ETV6: variants seen among roughly 807,000 people sequenced by gnomAD.
The protein encoded by ETV6 is transcription factor ETV6.
Under a neutral mutation model 51.1 loss-of-function variants are expected in ETV6, and 16 were observed. That is an observed-to-expected ratio of 0.31 (90% CI 0.21 to 0.48). The LOEUF (loss-of-function observed/expected upper bound fraction) is 0.48. Among genes scored for constraint, ETV6 ranks in the 20% least tolerant of loss-of-function variants. The probability of loss-of-function intolerance (pLI) is 0.99; values close to 1 mark genes in which losing one functional copy is unlikely to be tolerated. For missense variants in ETV6, 458 were observed against 594.8 expected, an observed-to-expected ratio of 0.77 and a Z score of 2.39; for synonymous variants, 240 against 224.1, an observed-to-expected ratio of 1.07 and a Z score of -0.64.
intron 1 of ETV6, among the ~76,000 whole-genome samples, chr12:11,748,033 G>C (rs1038703250): frequency 6.6e-5 from 10 of 152,292 alleles, no homozygotes; most frequent in African/African-American, 2.4e-4. Context: ...ACACCTGCAG[G>C]GTGGAAAAGA....
At chr12:11,739,599 T>C (rs1293994099) in intron 1 of ETV6, among the ~76,000 whole-genome samples, 1 of 152,224 alleles carries the variant, frequency 6.6e-6, no homozygotes, top group Non-Finnish European at 1.5e-5. Context: ...AAAAATTTAG[T>C]GTCGGATTTG....
At chr12:11,697,964 A>G (rs1045368452) in intron 1 of ETV6, among the ~76,000 whole-genome samples, 1 of 152,190 alleles carries the variant, frequency 6.6e-6, no homozygotes, top group African/African-American at 2.4e-5. Flanking sequence ...GCATCCAGAA[A>G]AGGCTGACTT....
chr12:11,719,416 G>T (rs569465126), intron 1 of ETV6, among the ~76,000 whole-genome samples: 78 of 152,372 alleles, frequency 5.1e-4, no homozygotes, highest in African/African-American at 1.7e-3. Context: ...GACAGTAAGT[G>T]CTCTGTATAG....
Position 11,892,305 on chromosome 12 carries a change from G to A in ETV6, c.*1259G>A, listed in dbSNP as rs1052437572. ...AGCTTTGGAGACGGAGGATCCCAGA[G>A]GGCAGTCTCAGTTGCAATCAGTGTG... is the stretch of plus-strand genomic sequence containing the variant. On this transcript the variant is annotated 3_prime_UTR_variant, in exon 8 of 8. Transcript: ENST00000396373. 4.3e-6 allele frequency: 1 copy of A among 230,362 alleles called. No individual in the cohort carries two copies. The highest frequency in any genetic ancestry group is 2.3e-5 in the African/African-American group (1 of 44,368). 14.3% of individuals were successfully genotyped at this position (230,362 alleles called of 1,614,324 possible). A position where few individuals can be genotyped will look rare whatever the true frequency, so the allele number is the denominator to read the frequency against.
chr12:11,760,864 CTAT>C (rs1175521723), intron 2 of ETV6, among the ~76,000 whole-genome samples: 2 of 136,656 alleles, frequency 1.5e-5, no homozygotes, highest in African/African-American at 2.7e-5. Context: ...ATGATCACTA[CTAT>C]TATTATATAT....
chr12:11,743,161 C>T (rs1865841865), intron 1 of ETV6, among the ~76,000 whole-genome samples: 1 of 152,028 alleles, frequency 6.6e-6, no homozygotes, highest in Non-Finnish European at 1.5e-5. Context: ...TATTGTTATC[C>T]GAATCTCTCA....
At chr12:11,848,488 G>A (rs983915845) in intron 3 of ETV6, among the ~76,000 whole-genome samples, 4 of 152,162 alleles carry the variant, frequency 2.6e-5, no homozygotes, top group East Asian at 1.9e-4. Flanking sequence ...TTGTTCACTC[G>A]CTCTCTCCTG....
intron 1 of ETV6, among the ~76,000 whole-genome samples, chr12:11,716,198 G>A (rs1043163946): frequency 2.1e-4 from 32 of 151,924 alleles, no homozygotes; most frequent in African/African-American, 7.7e-4. Context: ...GGGCATGGTG[G>A]TGGGCGCCTG....
At chr12:11,830,859 CA>C (rs1946233854) in intron 2 of ETV6, among the ~76,000 whole-genome samples, 1 of 152,034 alleles carries the variant, frequency 6.6e-6, no homozygotes, top group South Asian at 2.1e-4. Flanking sequence ...TCAAATCTGA[CA>C]AATGAGGAAT....
chr12:11,774,210 C>T (rs555464092), intron 2 of ETV6, among the ~76,000 whole-genome samples: 9 of 152,208 alleles, frequency 5.9e-5, no homozygotes, highest in African/African-American at 2.2e-4. Flanking sequence ...GAAAGGAGGG[C>T]GAGTTGAGAA....
chr12:11,836,366 G>C (rs558312922), intron 2 of ETV6, among the ~76,000 whole-genome samples: 1 of 152,154 alleles, frequency 6.6e-6, no homozygotes, highest in African/African-American at 2.4e-5. Flanking sequence ...GAGTGGCCTC[G>C]AGCAGGTGGC....
intron 1 of ETV6, among the ~76,000 whole-genome samples, chr12:11,705,176 T>TA (rs1865051645): frequency 6.6e-6 from 1 of 152,172 alleles, no homozygotes. Context: ...CATTACGTAA[T>TA]AGTGTGCTAA....
chr12:11,830,042 A>T (rs1946219148), intron 2 of ETV6, among the ~76,000 whole-genome samples: 1 of 152,110 alleles, frequency 6.6e-6, no homozygotes, highest in Admixed American at 6.5e-5. Flanking sequence ...GGGAAGGGAA[A>T]GGAGGCAGAA....
intron 1 of ETV6, among the ~76,000 whole-genome samples, chr12:11,667,907 G>A (rs960707077): frequency 6.6e-6 from 1 of 151,846 alleles, no homozygotes; most frequent in African/African-American, 2.4e-5. Flanking sequence ...TCACCATCTT[G>A]GCCAGGCTGG....
intron 3 of ETV6, among the ~76,000 whole-genome samples, chr12:11,852,340 G>C (rs187985043): frequency 2.6e-5 from 4 of 152,362 alleles, no homozygotes; most frequent in Admixed American, 6.5e-5. Context: ...ATTTTCTAGA[G>C]ATTGTGGAAC....
At chr12:11,850,089 C>T (rs556107078) in intron 3 of ETV6, among the ~76,000 whole-genome samples, 42 of 152,270 alleles carry the variant, frequency 2.8e-4, no homozygotes, top group Admixed American at 7.8e-4. Flanking sequence ...TGTTCCCACC[C>T]GTAGCCGCCT....
intron 1 of ETV6, among the ~76,000 whole-genome samples, chr12:11,683,791 TC>T (rs932670633): frequency 9.2e-5 from 14 of 152,184 alleles, no homozygotes; most frequent in African/African-American, 3.4e-4. Context: ...CCCAAAAAAT[TC>T]CCTAAAGGGC....
At chr12:11,795,811 G>A (rs1945667572) in intron 2 of ETV6, among the ~76,000 whole-genome samples, 1 of 152,182 alleles carries the variant, frequency 6.6e-6, no homozygotes, top group African/African-American at 2.4e-5. Context: ...CAAAGACCTA[G>A]ATAAAATGGG....
chr12:11,883,375 C>T (rs979233536), intron 5 of ETV6, among the ~76,000 whole-genome samples: 1 of 143,280 alleles, frequency 7.0e-6, no homozygotes. Flanking sequence ...CTTACTGCAA[C>T]TTCCACCTCC....
Sources: allele counts gnomAD v4.1 joint callset (sites outside exome capture counted in the v4.1 genomes callset), GRCh38; gene constraint gnomAD v4.1.1; transcripts MANE v1.5; gene names NCBI Gene and HGNC (gene_info 2026-07-23, HGNC 2026-07-21).